The following PIK3C2G variants were observed in gnomAD, a reference collection of about 807,000 sequenced individuals.
PIK3C2G encodes phosphatidylinositol 3-kinase C2 domain-containing subunit gamma.
Under a neutral mutation model 181.1 loss-of-function variants are expected in PIK3C2G, and 168 were observed. The observed-to-expected ratio is 0.93, with a 90% CI of 0.82 to 1.05. The LOEUF is 1.05. Among genes scored for constraint, PIK3C2G ranks in the 50% least tolerant of loss-of-function variants. The pLI is 0.00. For synonymous variants in PIK3C2G, 573 were observed against 592.2 expected (o/e 0.97, Z 0.47); for missense variants, 1,869 against 1,732.8 (o/e 1.08, Z -1.40).
intron 22 of PIK3C2G, among the ~76,000 whole-genome samples, chr12:18,500,646 G>A (rs1222460422): frequency 6.6e-6 from 1 of 152,156 alleles, no homozygotes; most frequent in African/African-American, 2.4e-5. Flanking sequence ...CTCTACCTCA[G>A]GGATTGTAAA....
At chr12:18,585,704 G>A (rs1425170484) in intron 29 of PIK3C2G, among the ~76,000 whole-genome samples, 1 of 152,124 alleles carries the variant, frequency 6.6e-6, no homozygotes, top group Non-Finnish European at 1.5e-5. Context: ...GGATCTAACA[G>A]ACGTCTTTGG....
intron 16 of PIK3C2G, among the ~76,000 whole-genome samples, chr12:18,401,558 G>C (rs964097728): frequency 6.6e-6 from 1 of 152,078 alleles, no homozygotes; most frequent in Non-Finnish European, 1.5e-5. Flanking sequence ...TTAACTAATA[G>C]AGAATTCATT....
At chr12:18,396,933 T>A (rs771169912) in intron 15 of PIK3C2G, among the ~76,000 whole-genome samples, 1 of 151,734 alleles carries the variant, frequency 6.6e-6, no homozygotes, top group Non-Finnish European at 1.5e-5. Flanking sequence ...CTCCAATATT[T>A]ATGTGGAATG....
chr12:18,680,839 TCTC>T, the PIK3C2G span, among the ~76,000 whole-genome samples: 4 of 151,984 alleles, frequency 2.6e-5, no homozygotes, highest in African/African-American at 9.7e-5. Flanking sequence ...AAAGTAGAGT[TCTC>T]CTCTGTATTT....
At chr12:18,339,077 G>A (rs1382077822) in intron 9 of PIK3C2G, among the ~76,000 whole-genome samples, 1 of 152,044 alleles carries the variant, frequency 6.6e-6, no homozygotes, top group African/African-American at 2.4e-5. Flanking sequence ...GACTTTCTAT[G>A]GATCCCACAT....
At chr12:18,576,059 T>A (rs1946218502) in intron 29 of PIK3C2G, among the ~76,000 whole-genome samples, 1 of 152,234 alleles carries the variant, frequency 6.6e-6, no homozygotes, top group Admixed American at 6.5e-5. Flanking sequence ...CCAAAATATA[T>A]AACTCATTTA....
At chr12:18,578,881 A>G (rs1249955969) in intron 29 of PIK3C2G, among the ~76,000 whole-genome samples, 2 of 152,066 alleles carry the variant, frequency 1.3e-5, no homozygotes, top group East Asian at 3.9e-4. Flanking sequence ...TTTATGCTGA[A>G]TACTTCCGTA....
intron 24 of PIK3C2G, among the ~76,000 whole-genome samples, chr12:18,526,217 CAGTGATCCA>C (rs1943226031): frequency 1.3e-5 from 2 of 152,238 alleles, no homozygotes; most frequent in East Asian, 3.9e-4. Context: ...ACAATATTCA[CAGTGATCCA>C]AATGATAGGT....
At chr12:18,620,469 C>G (rs1050881472) in intron 31 of PIK3C2G, among the ~76,000 whole-genome samples, 1 of 151,822 alleles carries the variant, frequency 6.6e-6, no homozygotes, top group Admixed American at 6.6e-5. Flanking sequence ...CTATTTGTGT[C>G]TTTACATTTA....
rs780675302 is a variant in PIK3C2G at position 18,503,295 on chromosome 12, G to C, written c.3031G>C (p.Val1011Leu). 5.6e-6 allele frequency: 9 copies of C among 1,608,828 alleles called. No individual in the cohort carries two copies. In the South Asian group the frequency reaches 8.9e-5, roughly 16 times the overall value. The change falls in exon 23 of 33, where the codon GTA (valine) becomes CTA (leucine). Residue 1011 changes from valine (V) to leucine (L), a missense_variant. Val to Leu is a conservative substitution (Grantham distance 32). Transcript: ENST00000538779. ...TGKDQGLVQM[V>L]PDAVTLAKIH... ...TTCTCTACCAGGATTGGTGCAGATGGTACCTGATGCTGTGACCCTAGCAAA... is the reference window on the plus strand; with the variant it reads ...TTCTCTACCAGGATTGGTGCAGATGCTACCTGATGCTGTGACCCTAGCAAA...
chr12:18,521,071 T>C (rs774872650), intron 24 of PIK3C2G, among the ~76,000 whole-genome samples: 1 of 152,086 alleles, frequency 6.6e-6, no homozygotes, highest in Admixed American at 6.6e-5. Context: ...CTCCCATGTG[T>C]GGAGATGTCA....
chr12:18,566,817 C>G (rs890003485), intron 28 of PIK3C2G, 132 bp from the exon 29 acceptor site: 6 of 648,330 alleles, frequency 9.3e-6, no homozygotes, highest in Non-Finnish European at 1.4e-5. Flanking sequence ...GGATTAATCA[C>G]GTAGACTATG....
chr12:18,534,728 G>A (rs1246706927), intron 24 of PIK3C2G, among the ~76,000 whole-genome samples: 1 of 151,452 alleles, frequency 6.6e-6, no homozygotes. Flanking sequence ...GACAAGGTTT[G>A]GGTTAATTGG....
At chr12:18,509,690 G>A (rs1942085770) in intron 24 of PIK3C2G, among the ~76,000 whole-genome samples, 1 of 152,088 alleles carries the variant, frequency 6.6e-6, no homozygotes. Flanking sequence ...CAACTCTGAG[G>A]CTCCCATAAA....
chr12:18,423,117 G>A (rs1403114040), intron 17 of PIK3C2G, among the ~76,000 whole-genome samples: 1 of 150,870 alleles, frequency 6.6e-6, no homozygotes, highest in African/African-American at 2.4e-5. Flanking sequence ...GCCTGGCTTA[G>A]ACTCTGAAGC....
chr12:18,676,591 T>C, the PIK3C2G span, among the ~76,000 whole-genome samples: 1 of 150,446 alleles, frequency 6.6e-6, no homozygotes, highest in East Asian at 1.9e-4. Context: ...TATTTCTTAC[T>C]GTCTGACTCT....
intron 12 of PIK3C2G, among the ~76,000 whole-genome samples, chr12:18,370,954 C>T (rs1182820013): frequency 1.3e-5 from 2 of 152,154 alleles, no homozygotes; most frequent in Non-Finnish European, 2.9e-5. Context: ...AATATACCTA[C>T]ATGTCAACAT....
chr12:18,646,812 G>A (rs1026334768), intron 32 of PIK3C2G, among the ~76,000 whole-genome samples: 7 of 151,888 alleles, frequency 4.6e-5, no homozygotes, highest in African/African-American at 1.5e-4. Flanking sequence ...ATTTCTTAGC[G>A]GTACTATGCC....
intron 11 of PIK3C2G, among the ~76,000 whole-genome samples, chr12:18,351,198 G>GA (rs1232753372): frequency 6.6e-6 from 1 of 151,446 alleles, no homozygotes; most frequent in Non-Finnish European, 1.5e-5. Context: ...ATTAATCAAG[G>GA]AGTTAGAAAA....
Sources: allele counts gnomAD v4.1 joint callset (sites outside exome capture counted in the v4.1 genomes callset), GRCh38; gene constraint gnomAD v4.1.1; transcripts MANE v1.5; gene names NCBI Gene and HGNC (gene_info 2026-07-23, HGNC 2026-07-21).